DZANK1: variants seen among roughly 807,000 people sequenced by gnomAD.
DZANK1 encodes the protein double zinc ribbon and ankyrin repeat-containing protein 1.
Under a neutral mutation model 94.5 loss-of-function variants are expected in DZANK1, and 91 were observed. The ratio of observed to expected loss-of-function variants is 0.96; its 90% CI spans 0.81 to 1.15. DZANK1 has a LOEUF of 1.15. Ranked by LOEUF, DZANK1 falls within the 50% of genes most tolerant of loss-of-function variation. The pLI is 0.00. For missense variants in DZANK1, 903 were observed against 916.4 expected (o/e 0.99, Z 0.19); for synonymous variants, 312 against 325.3 (o/e 0.96, Z 0.44).
At chr20:18,428,032 T>A (rs2058123678) in intron 9 of DZANK1, among the ~76,000 whole-genome samples, 1 of 150,916 alleles carries the variant, frequency 6.6e-6, no homozygotes, top group Admixed American at 6.6e-5. Flanking sequence ...GCGCCTGTAG[T>A]CCCAGCTGCT....
intron 2 of DZANK1, among the ~76,000 whole-genome samples, chr20:18,464,591 A>G (rs2059580448): frequency 6.6e-6 from 1 of 151,940 alleles, no homozygotes; most frequent in African/African-American, 2.4e-5. Flanking sequence ...CTGACTGGAA[A>G]GCCTGTATCA....
exon 19 of DZANK1, chr20:18,389,816 T>C: frequency 1.2e-6 from 2 of 1,613,972 alleles, no homozygotes; most frequent in Non-Finnish European, 1.7e-6. Context: ...TCACAGCAGT[T>C]GGGGTCTGCT....
intron 19 of DZANK1, among the ~76,000 whole-genome samples, chr20:18,389,394 T>C (rs1006673781): frequency 2.6e-5 from 4 of 152,194 alleles, no homozygotes; most frequent in African/African-American, 9.7e-5. Flanking sequence ...ATGAAAACAT[T>C]GATTAACACC....
exon 21 of DZANK1, chr20:18,384,188 TA>T (rs2048342181): frequency 2.7e-6 from 1 of 371,226 alleles, no homozygotes; most frequent in African/African-American, 2.1e-5. Flanking sequence ...GCCTCTCGAG[TA>T]ACTGGGATTA....
intron 9 of DZANK1, among the ~76,000 whole-genome samples, chr20:18,430,994 A>G (rs576071847): frequency 6.8e-4 from 103 of 152,334 alleles, no homozygotes; most frequent in Admixed American, 5.4e-3. Flanking sequence ...AGAAAAATAC[A>G]TAAAAGGACA....
chr20:18,456,875 T>C (rs1041741854), intron 3 of DZANK1, among the ~76,000 whole-genome samples: 4 of 152,214 alleles, frequency 2.6e-5, no homozygotes. Flanking sequence ...TGAACATTCA[T>C]GTATAAGTCT....
At chr20:18,406,517 G>A (rs2056973118) in intron 13 of DZANK1, among the ~76,000 whole-genome samples, 1 of 152,224 alleles carries the variant, frequency 6.6e-6, no homozygotes, top group African/African-American at 2.4e-5. Context: ...GCTGACTAAA[G>A]GGCCCCTGGG....
In DZANK1 at chr20:18,425,042, G is replaced by A. The variant is rs559031575; in HGVS notation, c.954+2025C>T. Among the ~76,000 whole-genome samples, 3 of 152,292 alleles carry A rather than the reference G, an allele frequency of 2.0e-5. No individual in the cohort carries two copies. The South Asian group carries it at 6.2e-4, about 32-fold the overall frequency. On this transcript the variant is annotated intron_variant, in intron 10 of 20. Transcript: ENST00000262547. ...ACCAGGGAAGTGGCTCAACTAGAAA[G>A]AAGAATGAGAAAACTTTTCAGGGTA...
chr20:18,420,668 T>C (rs1218840955), intron 10 of DZANK1: 1 of 189,872 alleles, frequency 5.3e-6, no homozygotes, highest in African/African-American at 2.3e-5. Flanking sequence ...TCCATTAATA[T>C]CTGCATACCA....
chr20:18,445,029 G>A (rs925647118), intron 7 of DZANK1, among the ~76,000 whole-genome samples: 2 of 151,614 alleles, frequency 1.3e-5, no homozygotes, highest in Admixed American at 6.6e-5. Context: ...AGATGATCTC[G>A]ATCTCCTGAC....
At position 18,403,191 on chromosome 20, in the gene DZANK1, C is replaced by T. The variant is rs1027048292; in HGVS notation, c.1433-4565G>A. On this transcript the variant is annotated intron_variant, in intron 13 of 20. Coordinates refer to ENST00000262547, the Ensembl canonical transcript of DZANK1. ...GGGGCTCCCTTTCTCTGCTCAGTTACCACTCATGGGATAGATGTTCTACCT... is the reference window on the plus strand; with the variant it reads ...GGGGCTCCCTTTCTCTGCTCAGTTATCACTCATGGGATAGATGTTCTACCT... 6.6e-4 allele frequency among the ~76,000 whole-genome samples: 101 copies of T among 152,206 alleles called. 1 individual carries two copies. Among genetic ancestry groups the T allele is most frequent in the Admixed American group, 3.9e-4 (6 of 15,276 alleles).
chr20:18,396,660 T>A, intron 14 of DZANK1, 114 bp from the exon 15 acceptor site: 1 of 680,288 alleles, frequency 1.5e-6, no homozygotes, highest in Non-Finnish European at 2.5e-6. Flanking sequence ...AATATTTAAT[T>A]AACACAGAAG....
At chr20:18,466,230 A>G (rs755300958) in intron 1 of DZANK1, among the ~76,000 whole-genome samples, 2 of 152,154 alleles carry the variant, frequency 1.3e-5, no homozygotes, top group Non-Finnish European at 2.9e-5. Context: ...TATTCATTCC[A>G]TTTTTATAGT....
chr20:18,446,979 T>C (rs182573620), intron 7 of DZANK1, among the ~76,000 whole-genome samples: 1 of 152,186 alleles, frequency 6.6e-6, no homozygotes, highest in African/African-American at 2.4e-5. Flanking sequence ...TTATATAAAA[T>C]AGATAACACT....
intron 13 of DZANK1, among the ~76,000 whole-genome samples, chr20:18,399,609 C>T (rs1366456334): frequency 6.6e-6 from 1 of 152,220 alleles, no homozygotes; most frequent in Non-Finnish European, 1.5e-5. Flanking sequence ...ATTTCCATCA[C>T]TCTAAAAAGT....
intron 9 of DZANK1, 81 bp from the exon 10 acceptor site, chr20:18,427,240 A>C (rs2058085051): frequency 9.0e-7 from 1 of 1,108,746 alleles, no homozygotes; most frequent in Admixed American, 2.0e-5. Flanking sequence ...CTTTTCTGTC[A>C]GTCATTCAGC....
intron 10 of DZANK1, among the ~76,000 whole-genome samples, chr20:18,424,057 T>C (rs1336235167): frequency 6.6e-6 from 1 of 152,026 alleles, no homozygotes; most frequent in Non-Finnish European, 1.5e-5. Context: ...GAAGGAATGA[T>C]AAAGAAAGAA....
At chr20:18,389,818 G>C in exon 19 of DZANK1, 1 of 1,613,906 alleles carries the variant, frequency 6.2e-7, no homozygotes, top group Non-Finnish European at 8.5e-7. Context: ...ACAGCAGTTG[G>C]GGTCTGCTCC....
intron 4 of DZANK1, chr20:18,454,327 T>C (rs1294413685): frequency 1.3e-5 from 4 of 298,332 alleles, no homozygotes; most frequent in East Asian, 8.3e-5. Context: ...CTGCCCAGTG[T>C]AGATCCTTGC....
Sources: allele counts gnomAD v4.1 joint callset (sites outside exome capture counted in the v4.1 genomes callset), GRCh38; gene constraint gnomAD v4.1.1; transcripts MANE v1.5; gene names NCBI Gene and HGNC (gene_info 2026-07-23, HGNC 2026-07-21).